The following PRKCA variants were observed in gnomAD, a reference collection of about 807,000 sequenced individuals.
PRKCA encodes protein kinase C alpha.
PRKCA carries 27 observed loss-of-function variants against 87.0 expected under a neutral mutation model. The ratio of observed to expected loss-of-function variants is 0.31; its 90% confidence interval spans 0.23 to 0.43. The LOEUF is 0.43. Ranked by LOEUF, PRKCA falls within the 20% of genes least tolerant of loss-of-function variation. The pLI is 1.00. For missense variants in PRKCA, 518 were observed against 852.3 expected (o/e 0.61, Z 4.88); for synonymous variants, 329 against 311.1 (o/e 1.06, Z -0.61).
At chr17:66,557,642 T>C (rs1968540582) in intron 3 of PRKCA, among the ~76,000 whole-genome samples, 2 of 152,218 alleles carry the variant, frequency 1.3e-5, no homozygotes, top group African/African-American at 4.8e-5. Flanking sequence ...AGAATTTTAA[T>C]AAAGGCAAAT....
chr17:66,730,257 G>A (rs976059530), intron 8 of PRKCA, among the ~76,000 whole-genome samples: 1 of 152,182 alleles, frequency 6.6e-6, no homozygotes, highest in Non-Finnish European at 1.5e-5. Context: ...GTGTCACAGG[G>A]TGAACCCCAA....
rs1053152109 is a variant in PRKCA at position 66,688,298 on chromosome 17, G to A, written c.687-4G>A. The A allele has an allele frequency of 6.2e-7, 1 of 1,613,908 alleles. No homozygotes were observed. ...TAGTGTTTGCATGTGTGTGTGTCTT[G>A]TAGCAAATTGAAACCTTCAGACAAA... is the stretch of plus-strand genomic sequence containing the variant. On this transcript the variant is annotated splice_polypyrimidine_tract_variant and splice_region_variant and intron_variant, in intron 6 of 16. Coordinates refer to ENST00000413366, the MANE Select transcript of PRKCA (RefSeq NM_002737.3).
intron 15 of PRKCA, 95 bp downstream of exon 15, chr17:66,787,069 C>T (rs770747135): frequency 1.0e-6 from 1 of 963,576 alleles, no homozygotes; most frequent in Non-Finnish European, 1.7e-6. Flanking sequence ...GCAGAAACAC[C>T]ACAAACCCAC....
chr17:66,396,472 C>G (rs779401717), intron 2 of PRKCA, among the ~76,000 whole-genome samples: 2 of 151,828 alleles, frequency 1.3e-5, no homozygotes, highest in Non-Finnish European at 2.9e-5. Flanking sequence ...TTCCTTGTAC[C>G]TTTAGATGTG....
rs1485548997 is a variant in PRKCA at position 66,774,179 on chromosome 17, G to A, written c.1605+112G>A. On this transcript the variant is annotated intron_variant, in intron 14 of 16. Coordinates refer to ENST00000413366, the MANE Select transcript of PRKCA (RefSeq NM_002737.3). ...ACGTTTTAGTGCAGCTGGTGTTGGC[G>A]TGACTTCCCTGACCCAGGCGAAAGA... The A allele has an allele frequency of 5.4e-5, 85 of 1,579,622 alleles. 2 individuals are homozygous for A. The South Asian group carries it at 7.2e-4, about 13-fold the overall frequency.
At chr17:66,664,841 A>C in intron 5 of PRKCA, among the ~76,000 whole-genome samples, 1 of 151,664 alleles carries the variant, frequency 6.6e-6, no homozygotes, top group East Asian at 1.9e-4. Flanking sequence ...GGGTCTGACC[A>C]CATTACCAGG....
chr17:66,377,679 A>T (rs1465681787), intron 2 of PRKCA, among the ~76,000 whole-genome samples: 1 of 124,132 alleles, frequency 8.1e-6, no homozygotes, highest in African/African-American at 3.0e-5. Flanking sequence ...AATGTCTATT[A>T]TATATATATA....
intron 4 of PRKCA, among the ~76,000 whole-genome samples, chr17:66,642,052 T>C (rs1971309639): frequency 6.6e-6 from 1 of 152,164 alleles, no homozygotes; most frequent in Non-Finnish European, 1.5e-5. Flanking sequence ...CCAGCCCTTT[T>C]CTGTTATTTT....
chr17:66,351,312 T>C (rs1907730248), intron 2 of PRKCA, among the ~76,000 whole-genome samples: 1 of 152,254 alleles, frequency 6.6e-6, no homozygotes, highest in Non-Finnish European at 1.5e-5. Context: ...CTAGTGGCTA[T>C]TACCTAAACT....
At chr17:66,711,053 A>G (rs945688845) in intron 8 of PRKCA, among the ~76,000 whole-genome samples, 1 of 151,802 alleles carries the variant, frequency 6.6e-6, no homozygotes, top group African/African-American at 2.4e-5. Flanking sequence ...AAAAATAAAT[A>G]AATAAAATAA....
rs117037169 is a variant in PRKCA at position 66,503,739 on chromosome 17, G to A, written c.288+7456G>A. ...CTTAGAAACCGATCAGATAAAAAAG[G>A]CTGCTGAAATGTTGAAAATTCAGCA... On this transcript the variant is annotated intron_variant, in intron 3 of 16. Transcript: ENST00000413366. Among the ~76,000 whole-genome samples, 636 of 152,252 alleles carry A rather than the reference G, an allele frequency of 4.2e-3. 4 individuals are homozygous for A. The highest frequency in any genetic ancestry group is 7.7e-3 in the South Asian group (37 of 4,828).
At chr17:66,545,846 C>A (rs1968131728) in intron 3 of PRKCA, among the ~76,000 whole-genome samples, 1 of 152,148 alleles carries the variant, frequency 6.6e-6, no homozygotes, top group African/African-American at 2.4e-5. Flanking sequence ...ATTGGAAAGT[C>A]ATTTACCATA....
chr17:66,502,812 A>G (rs228871), intron 3 of PRKCA, among the ~76,000 whole-genome samples: 102,460 of 151,266 alleles, frequency 0.68, 34,896 homozygotes, highest in Middle Eastern at 0.76. Flanking sequence ...ATTCCACCAC[A>G]CCTGGCTAAT....
intron 2 of PRKCA, among the ~76,000 whole-genome samples, chr17:66,377,527 A>C (rs963605985): frequency 6.7e-6 from 1 of 148,232 alleles, no homozygotes; most frequent in Non-Finnish European, 1.5e-5. Context: ...ATGTATATAT[A>C]TAATGCCTAT....
intron 2 of PRKCA, among the ~76,000 whole-genome samples, chr17:66,477,876 C>A (rs1372546769): frequency 2.0e-5 from 3 of 152,232 alleles, no homozygotes; most frequent in Admixed American, 1.3e-4. Context: ...ACTCCCCATT[C>A]TCTAACTGGG....
At chr17:66,775,437 GC>G (rs1420674165) in intron 14 of PRKCA, 1 of 985,270 alleles carries the variant, frequency 1.0e-6, no homozygotes, top group African/African-American at 1.7e-5. Context: ...ACACAAAGAG[GC>G]AGGAAGTATA....
At chr17:66,386,523 G>A (rs537202610) in intron 2 of PRKCA, among the ~76,000 whole-genome samples, 1 of 152,316 alleles carries the variant, frequency 6.6e-6, no homozygotes, top group East Asian at 1.9e-4. Context: ...AATAATATAT[G>A]ATGGGTATGT....
At chr17:66,420,646 G>A (rs1166928434) in intron 2 of PRKCA, among the ~76,000 whole-genome samples, 2 of 152,154 alleles carry the variant, frequency 1.3e-5, no homozygotes, top group African/African-American at 2.4e-5. Flanking sequence ...ATGGTGTTAG[G>A]TGTATTAAAT....
At chr17:66,541,148 A>G (rs1967972757) in intron 3 of PRKCA, among the ~76,000 whole-genome samples, 2 of 152,308 alleles carry the variant, frequency 1.3e-5, no homozygotes, top group South Asian at 4.1e-4. Flanking sequence ...CACGAGCTCT[A>G]GTAAGATAGT....
Sources: allele counts gnomAD v4.1 joint callset (sites outside exome capture counted in the v4.1 genomes callset), GRCh38; gene constraint gnomAD v4.1.1; transcripts MANE v1.5; gene names NCBI Gene and HGNC (gene_info 2026-07-23, HGNC 2026-07-21).